Variants in ADCY2 observed in about 807,000 individuals in gnomAD.
ADCY2 encodes the protein adenylate cyclase type 2.
Under a neutral mutation model 125.2 loss-of-function variants are expected in ADCY2, and 31 were observed. The ratio of observed to expected loss-of-function variants is 0.25; its 90% confidence interval spans 0.19 to 0.33. The LOEUF (loss-of-function observed/expected upper bound fraction) is 0.33. ADCY2 is among the 10% of genes least tolerant of loss of function. The pLI is 1.00. For missense variants in ADCY2, 904 were observed against 1,418.2 expected (o/e 0.64, Z 5.82); for synonymous variants, 512 against 548.4 (o/e 0.93, Z 0.93).
At chr5:7,760,475 C>T (rs1188814061) in intron 16 of ADCY2, among the ~76,000 whole-genome samples, 1 of 152,198 alleles carries the variant, frequency 6.6e-6, no homozygotes, top group Non-Finnish European at 1.5e-5. Context: ...ATTAAGCCGC[C>T]TCCTGGCCCG....
chr5:7,707,707 C>G lies in ADCY2; in HGVS notation c.1270C>G (p.Arg424Gly). 1 of 1,613,650 alleles carries G rather than the reference C, an allele frequency of 6.2e-7. No homozygotes were observed. The highest frequency in any genetic ancestry group is 8.5e-7 in the Non-Finnish European group (1 of 1,179,858). The change falls in exon 9 of 25, where the codon CGT becomes GGT. Residue 424 changes from arginine to glycine, a missense_variant and splice_region_variant. By Grantham distance (125) the Arg-to-Gly change is moderately radical. This residue lies in a region of ADCY2 where 144 missense variants were observed against 227.7 expected (regional missense o/e 0.63). Transcript: ENST00000338316. Reference sequence around the variant, plus strand: ...TGTGATTTTAAAATGCAATTTCAGACGTGTTCACATTTCTTCTGTCACCCT... The same window carrying G: ...TGTGATTTTAAAATGCAATTTCAGAGGTGTTCACATTTCTTCTGTCACCCT... ...NHMEAGGVPG[R>G]VHISSVTLEH... is the part of the protein sequence containing the mutation.
chr5:7,507,112 C>T (rs1743852730), intron 2 of ADCY2, among the ~76,000 whole-genome samples: 1 of 148,802 alleles, frequency 6.7e-6, no homozygotes, highest in Admixed American at 6.6e-5. Flanking sequence ...TTGTGTTCTT[C>T]CAGTGCACAT....
intron 16 of ADCY2, among the ~76,000 whole-genome samples, chr5:7,758,822 G>A (rs938395957): frequency 1.3e-5 from 2 of 152,168 alleles, no homozygotes; most frequent in African/African-American, 4.8e-5. Context: ...GCAGGTGGGC[G>A]GAAGGGGAGA....
chr5:7,445,872 A>G (rs1309960395), intron 2 of ADCY2, among the ~76,000 whole-genome samples: 1 of 152,142 alleles, frequency 6.6e-6, no homozygotes, highest in Non-Finnish European at 1.5e-5. Context: ...ATTGTTTTCA[A>G]CAGTCTTTTA....
chr5:7,562,650 G>GAC lies in ADCY2; in HGVS notation c.570+41764_570+41765dup, dbSNP rs141765300. On this transcript the variant is annotated intron_variant, in intron 3 of 24. Transcript: ENST00000338316. ...GTACACAGACAGACAGACATAGACA[G>GAC]ACACACACACACACGGCCTTAGTAG... 1.3e-4 allele frequency among the ~76,000 whole-genome samples: 20 copies of GAC among 151,978 alleles called. No individual in the cohort carries two copies. In the South Asian group the frequency reaches 1.7e-3, roughly 13 times the overall value.
intron 2 of ADCY2, among the ~76,000 whole-genome samples, chr5:7,518,641 C>G (rs150393767): frequency 6.6e-6 from 1 of 152,074 alleles, no homozygotes; most frequent in Admixed American, 6.5e-5. Context: ...TGGGAGGAGA[C>G]GGGGGCATGA....
intron 2 of ADCY2, among the ~76,000 whole-genome samples, chr5:7,444,845 T>G (rs1741176778): frequency 6.6e-6 from 1 of 152,124 alleles, no homozygotes; most frequent in African/African-American, 2.4e-5. Context: ...GATTTGCATT[T>G]TGTTTGTTAT....
At chr5:7,410,566 T>C (rs1204980427) in intron 1 of ADCY2, among the ~76,000 whole-genome samples, 4 of 152,154 alleles carry the variant, frequency 2.6e-5, no homozygotes, top group South Asian at 2.1e-4. Flanking sequence ...GATGATACCA[T>C]AGTCAAAATC....
intron 4 of ADCY2, among the ~76,000 whole-genome samples, chr5:7,682,429 T>C (rs1357474520): frequency 6.6e-6 from 1 of 152,216 alleles, no homozygotes; most frequent in East Asian, 1.9e-4. Context: ...TGCCCCCTTC[T>C]GTTGCTCATT....
chr5:7,510,430 A>C (rs532332493), intron 2 of ADCY2, among the ~76,000 whole-genome samples: 1 of 152,238 alleles, frequency 6.6e-6, no homozygotes, highest in Non-Finnish European at 1.5e-5. Flanking sequence ...CCTTCGGAGC[A>C]GTGTGGGTCA....
chr5:7,665,932 G>T lies in ADCY2; in HGVS notation c.721-24759G>T, dbSNP rs1287615867. Among the ~76,000 whole-genome samples, 6 of 126,820 alleles carry T rather than the reference G, an allele frequency of 4.7e-5. No individual in the cohort carries two copies. In the South Asian group the frequency reaches 1.3e-3, roughly 28 times the overall value. 83.2% of individuals were successfully genotyped at this position (126,820 alleles called of 152,430 possible). ...CGGCTCACTGCAAGCTCTGCCTCCC[G>T]GGTTCACGCCATTCTCCTGCCTCAG... On this transcript the variant is annotated intron_variant, in intron 4 of 24. Coordinates refer to ENST00000338316, the MANE Select transcript of ADCY2 (RefSeq NM_020546.3).
At chr5:7,549,775 G>A (rs1329852083) in intron 3 of ADCY2, among the ~76,000 whole-genome samples, 2 of 152,226 alleles carry the variant, frequency 1.3e-5, no homozygotes, top group South Asian at 2.1e-4. Context: ...GCAGTCCCCC[G>A]ACAAGAGGCC....
Position 7,743,644 on chromosome 5 carries a change from TTGC to T in ADCY2, c.1872-19_1872-17del, listed in dbSNP as rs1314204371. The T allele has an allele frequency of 3.1e-6, 5 of 1,608,760 alleles. No homozygotes were observed. In the Admixed American group the frequency reaches 5.0e-5, roughly 16 times the overall value. ...TGAGAGAAACGATCTCCACCCTGAC[TTGC>T]TGCTTTTTGTTTCCCGGTAGAACGT... On this transcript the variant is annotated intron_variant, in intron 14 of 24. Coordinates refer to ENST00000338316, the MANE Select transcript of ADCY2 (RefSeq NM_020546.3).
At chr5:7,737,693 G>C (rs1181237266) in intron 14 of ADCY2, among the ~76,000 whole-genome samples, 1 of 152,068 alleles carries the variant, frequency 6.6e-6, no homozygotes, top group African/African-American at 2.4e-5. Context: ...CCAAAGGCAA[G>C]AATCTCTATG....
intron 4 of ADCY2, among the ~76,000 whole-genome samples, chr5:7,647,608 T>C (rs538877268): frequency 3.3e-5 from 5 of 152,166 alleles, no homozygotes; most frequent in Non-Finnish European, 7.3e-5. Flanking sequence ...CTTTTGGAAA[T>C]GTTCAATGCT....
intron 2 of ADCY2, among the ~76,000 whole-genome samples, chr5:7,497,458 A>G (rs762263149): frequency 6.6e-6 from 1 of 152,198 alleles, no homozygotes; most frequent in Non-Finnish European, 1.5e-5. Context: ...AAAACAGGAA[A>G]TTACAGTTTC....
At chr5:7,684,077 C>A (rs567517137) in intron 4 of ADCY2, among the ~76,000 whole-genome samples, 1 of 152,356 alleles carries the variant, frequency 6.6e-6, no homozygotes, top group South Asian at 2.1e-4. Context: ...GACTGGATGG[C>A]ATTGCTTACC....
intron 4 of ADCY2, among the ~76,000 whole-genome samples, chr5:7,675,326 TA>T (rs1308484444): frequency 4.6e-5 from 7 of 152,174 alleles, no homozygotes; most frequent in Non-Finnish European, 2.9e-5. Context: ...TGATCATTAT[TA>T]AATAAGTGAA....
chr5:7,755,439 G>T (rs963315175), intron 15 of ADCY2, among the ~76,000 whole-genome samples: 3 of 111,158 alleles, frequency 2.7e-5, no homozygotes, highest in Admixed American at 8.8e-5. Flanking sequence ...GGAGTAGAGA[G>T]GAGGAGATTT....
Sources: gnomAD v4.1 joint callset for allele counts (sites outside exome capture counted in the v4.1 genomes callset) on GRCh38, gnomAD v4.1.1 for gene constraint, gnomAD v4.1.1 regional missense constraint, MANE v1.5 for transcripts, NCBI Gene and HGNC (gene_info 2026-07-23, HGNC 2026-07-21) for gene names.